The following SDC1 variants were observed in gnomAD, a reference collection of about 807,000 sequenced individuals.
SDC1 encodes the protein syndecan-1.
Under a neutral mutation model 29.7 loss-of-function variants are expected in SDC1, and 14 were observed. The observed-to-expected ratio is 0.47, with a 90% confidence interval of 0.31 to 0.74. The LOEUF is 0.74. Among genes scored for constraint, SDC1 ranks in the 30% least tolerant of loss-of-function variants. SDC1 has a pLI of 0.05. For missense variants in SDC1, 406 were observed against 400.3 expected (o/e 1.01, Z -0.12); for synonymous variants, 204 against 175.5 (o/e 1.16, Z -1.29).
chr2:20,201,872 C>CGGCCCAGGCCTCAGCAT lies in SDC1; in HGVS notation c.*877_*893dup, dbSNP rs1276408602. ...CACACGGGCTTCTCCAACGTGGCAGCGGCCCAGGCCTCAGCATGGCCCTGA... is the reference window on the plus strand; with the variant it reads ...CACACGGGCTTCTCCAACGTGGCAGCGGCCCAGGCCTCAGCATGGCCCAGGCCTCAGCATGGCCCTGA... On this transcript the variant is annotated 3_prime_UTR_variant, in exon 5 of 5. Coordinates refer to ENST00000254351, the MANE Select transcript of SDC1 (RefSeq NM_002997.5). 1.2e-5 allele frequency: 2 copies of CGGCCCAGGCCTCAGCAT among 168,256 alleles called. No homozygotes were observed. The highest frequency in any genetic ancestry group is 4.8e-5 in the African/African-American group (2 of 42,022). The allele number at this position is 168,256 out of a possible 1,614,324, so 10.4% of individuals were successfully genotyped here.
chr2:20,213,038 G>A (rs1005918516), intron 1 of SDC1, among the ~76,000 whole-genome samples: 1 of 152,142 alleles, frequency 6.6e-6, no homozygotes, highest in Non-Finnish European at 1.5e-5. Flanking sequence ...GCCCTGCACC[G>A]CACTGCCTGC....
rs1364382362 is a variant in SDC1, at chr2:20,202,817, G to A, written c.882C>T (p.Ala294=). ...TGGGCTTCTGGTAGGCCCCGCCGTT[G>A]GCTTGTTTCGGCTCCTCCAAGGAGT... ...GSYSLEEPKQ[A]NGGAYQKPTK... is the part of the protein sequence containing the mutation. The change falls in exon 5 of 5, where the codon GCC becomes GCT. Residue 294 remains alanine, a synonymous_variant. Coordinates refer to ENST00000254351, the MANE Select transcript of SDC1 (RefSeq NM_002997.5). 1 of 1,613,544 alleles carries A rather than the reference G, an allele frequency of 6.2e-7. No homozygotes were observed. Among genetic ancestry groups the A allele is most frequent in the Non-Finnish European group, 8.5e-7 (1 of 1,179,764 alleles).
chr2:20,205,714 A>C (rs995594704), intron 1 of SDC1, among the ~76,000 whole-genome samples: 1 of 152,128 alleles, frequency 6.6e-6, no homozygotes, highest in African/African-American at 2.4e-5. Context: ...AGGGAGCTCC[A>C]GACCTCTCAG....
intron 1 of SDC1, among the ~76,000 whole-genome samples, chr2:20,217,638 T>A (rs1397668908): frequency 6.6e-6 from 1 of 152,146 alleles, no homozygotes; most frequent in Non-Finnish European, 1.5e-5. Flanking sequence ...CCCGGCTGTG[T>A]CTTGCTGCAC....
intron 1 of SDC1, among the ~76,000 whole-genome samples, chr2:20,217,974 C>G (rs1003790719): frequency 1.2e-4 from 19 of 152,334 alleles, no homozygotes; most frequent in African/African-American, 4.6e-4. Context: ...CTGCCCTGCC[C>G]TCCACTGGCC....
intron 1 of SDC1, among the ~76,000 whole-genome samples, chr2:20,221,040 T>A (rs1677799894): frequency 5.9e-5 from 9 of 152,174 alleles, no homozygotes; most frequent in Admixed American, 5.9e-4. Context: ...ATGACTCATT[T>A]TTCTCCACTG....
At chr2:20,221,785 G>A (rs1175540786) in intron 1 of SDC1, among the ~76,000 whole-genome samples, 1 of 152,074 alleles carries the variant, frequency 6.6e-6, no homozygotes, top group Non-Finnish European at 1.5e-5. Context: ...GTGTTAATGA[G>A]GTTTTACTGG....
At chr2:20,213,290 C>T (rs757423664) in intron 1 of SDC1, among the ~76,000 whole-genome samples, 4 of 152,242 alleles carry the variant, frequency 2.6e-5, no homozygotes, top group Non-Finnish European at 5.9e-5. Context: ...CTGGCAAAAC[C>T]CGGGCCAGGC....
chr2:20,214,091 A>T (rs1275381081), intron 1 of SDC1, among the ~76,000 whole-genome samples: 2 of 152,174 alleles, frequency 1.3e-5, no homozygotes, highest in African/African-American at 4.8e-5. Flanking sequence ...GAGCTCTGGG[A>T]GAGGGAACAG....
At chr2:20,222,183 C>T (rs1314209208) in intron 1 of SDC1, among the ~76,000 whole-genome samples, 2 of 152,188 alleles carry the variant, frequency 1.3e-5, no homozygotes, top group Non-Finnish European at 2.9e-5. Context: ...TGAGCAACCT[C>T]CTCTCCTAGC....
intron 1 of SDC1, chr2:20,223,400 G>A (rs565087771): frequency 1.1e-4 from 79 of 709,046 alleles, no homozygotes; most frequent in Non-Finnish European, 1.6e-4. Flanking sequence ...GAGAACCCGA[G>A]TGCCCACCCC....
rs1265797918 is a variant in SDC1, at chr2:20,204,051, T to C, written c.389A>G (p.Gln130Arg). ...EATPRPRETTQLPTTHLASTT... is the reference protein window; with the variant it reads ...EATPRPRETTRLPTTHLASTT... The stretch of plus-strand genomic sequence containing the variant: ...TGAGGCCAGATGAGTGGTCGGGAGC[T>C]GTGTGGTCTCCCTGGGTCGGGGGGT... Residue 130 changes from glutamine (Q) to arginine (R), a missense_variant, in exon 3 of 5, where the codon CAG becomes CGG. Transcript: ENST00000254351. 3 of 1,611,928 alleles carry C rather than the reference T, an allele frequency of 1.9e-6. No homozygotes were observed. The Admixed American group carries it at 5.0e-5, about 27-fold the overall frequency.
rs766458117 is a variant in SDC1, at chr2:20,202,827, G to A, written c.872C>T (p.Pro291Leu). The A allele has an allele frequency of 7.4e-6, 12 of 1,613,274 alleles. No individual in the cohort carries two copies. The highest frequency in any genetic ancestry group is 4.0e-5 in the African/African-American group (3 of 74,860). The part of the protein sequence containing the change: ...KDEGSYSLEE[P>L]KQANGGAYQK... Reference sequence around the variant, plus strand: ...GTAGGCCCCGCCGTTGGCTTGTTTCGGCTCCTCCAAGGAGTAGCTGCCTTC... The same window carrying A: ...GTAGGCCCCGCCGTTGGCTTGTTTCAGCTCCTCCAAGGAGTAGCTGCCTTC... Residue 291 changes from proline (P) to leucine (L), a missense_variant, in exon 5 of 5, where the codon CCG (proline) becomes CTG (leucine). Physicochemically the swap from Pro to Leu is moderately conservative, Grantham distance 98 (BLOSUM62 -3). Transcript: ENST00000254351.
chr2:20,221,647 T>C (rs1677822857), intron 1 of SDC1, among the ~76,000 whole-genome samples: 2 of 152,180 alleles, frequency 1.3e-5, no homozygotes, highest in South Asian at 4.1e-4. Flanking sequence ...GACACCTCAT[T>C]CCCAAGGGAT....
chr2:20,221,923 C>A lies in SDC1; in HGVS notation c.66+2879G>T, dbSNP rs558104889. Among the ~76,000 whole-genome samples the A allele has an allele frequency of 8.9e-4, 136 of 152,252 alleles. 1 individual carries two copies. Among genetic ancestry groups the A allele is most frequent in the Middle Eastern group, 3.4e-3 (1 of 294 alleles). On this transcript the variant is annotated intron_variant, in intron 1 of 4. Coordinates refer to ENST00000254351, the MANE Select transcript of SDC1 (RefSeq NM_002997.5). ...AGGCAGCTAGTGCCTCCCCCCATAC[C>A]CTCTCTGCCAGGCTGTGGGAAAATG...
intron 1 of SDC1, among the ~76,000 whole-genome samples, chr2:20,209,951 C>A (rs1303161854): frequency 6.6e-6 from 1 of 152,222 alleles, no homozygotes; most frequent in Admixed American, 6.5e-5. Context: ...CTGAGGCCAC[C>A]AGGTCAGAAG....
chr2:20,202,408 A>G lies in SDC1; in HGVS notation c.*358T>C. ...GCCCCACCCGCAGGATCTTCCAGCC[A>G]CATGAGGCCATTTAGGTCCAAAGCA... On this transcript the variant is annotated 3_prime_UTR_variant, in exon 5 of 5. Coordinates refer to ENST00000254351, the MANE Select transcript of SDC1 (RefSeq NM_002997.5). 1.5e-6 allele frequency: 1 copy of G among 676,090 alleles called. No individual in the cohort carries two copies. The allele number at this position is 676,090 out of a possible 1,614,324, so 41.9% of individuals were successfully genotyped here. A position where few individuals can be genotyped will look rare whatever the true frequency, so the allele number is the denominator to read the frequency against.
rs558203119 is a variant in SDC1, at chr2:20,203,443, T to C, written c.628-221A>G. 8.5e-5 allele frequency among the ~76,000 whole-genome samples: 13 copies of C among 152,374 alleles called. No homozygotes were observed. In the South Asian group the frequency reaches 2.7e-3, roughly 32 times the overall value. On this transcript the variant is annotated intron_variant, in intron 3 of 4. Coordinates refer to ENST00000254351, the MANE Select transcript of SDC1 (RefSeq NM_002997.5). ...ATGGCATGGATATCACAAAAAGTGA[T>C]ACAAAGCACACATTTTTGTATGGAA... is the stretch of plus-strand genomic sequence containing the variant.
At chr2:20,210,808 G>T (rs1306211917) in intron 1 of SDC1, among the ~76,000 whole-genome samples, 1 of 152,134 alleles carries the variant, frequency 6.6e-6, no homozygotes, top group African/African-American at 2.4e-5. Flanking sequence ...AGAAGCCCAG[G>T]CTGCGAGGTC....
Sources: gnomAD v4.1 joint callset for allele counts (sites outside exome capture counted in the v4.1 genomes callset) on GRCh38, gnomAD v4.1.1 for gene constraint, MANE v1.5 for transcripts, NCBI Gene and HGNC (gene_info 2026-07-23, HGNC 2026-07-21) for gene names.